MECOM: variants seen among roughly 807,000 people sequenced by gnomAD.
MECOM encodes the protein histone-lysine N-methyltransferase MECOM.
In MECOM, 13 loss-of-function variants were observed where a neutral mutation model predicts 116.3. That is an observed-to-expected ratio of 0.11 (90% CI 0.07 to 0.18). The LOEUF (loss-of-function observed/expected upper bound fraction) is 0.18, where lower values mean the gene tolerates loss of function less well. MECOM is among the 10% of genes least tolerant of loss of function. The probability of loss-of-function intolerance (pLI) is 1.00; values close to 1 mark genes in which losing one functional copy is unlikely to be tolerated. For synonymous variants in MECOM, 528 were observed against 535.2 expected, an observed-to-expected ratio of 0.99 and a Z score of 0.19; for missense variants, 1,299 against 1,509.0, an observed-to-expected ratio of 0.86 and a Z score of 2.31.
At chr3:169,622,631 G>C (rs1770892187) in intron 1 of MECOM, among the ~76,000 whole-genome samples, 1 of 152,210 alleles carries the variant, frequency 6.6e-6, no homozygotes, top group Non-Finnish European at 1.5e-5. Context: ...CTATTCCTGA[G>C]ACACTTTTGT....
At chr3:169,398,889 C>A (rs1487064571) in intron 1 of MECOM, among the ~76,000 whole-genome samples, 2 of 152,096 alleles carry the variant, frequency 1.3e-5, no homozygotes, top group African/African-American at 4.8e-5. Context: ...GAAGGCCTTG[C>A]TAAAGAGGCA....
chr3:169,438,218 G>A (rs1247096786), intron 1 of MECOM, among the ~76,000 whole-genome samples: 1 of 151,892 alleles, frequency 6.6e-6, no homozygotes, highest in Non-Finnish European at 1.5e-5. Context: ...AGTAATAGCT[G>A]CCCAATTACA....
intron 2 of MECOM, among the ~76,000 whole-genome samples, chr3:169,361,556 C>T (rs1223095070): frequency 6.6e-6 from 1 of 151,828 alleles, no homozygotes; most frequent in African/African-American, 2.4e-5. Context: ...CTTCACAATA[C>T]TTTACAATGA....
At chr3:169,410,619 T>C (rs1238904057) in intron 1 of MECOM, among the ~76,000 whole-genome samples, 2 of 152,182 alleles carry the variant, frequency 1.3e-5, no homozygotes, top group Non-Finnish European at 2.9e-5. Context: ...GGAAACATCA[T>C]TTGACATTTC....
chr3:169,091,590 A>C (rs1419604913), intron 14 of MECOM, among the ~76,000 whole-genome samples: 1 of 151,996 alleles, frequency 6.6e-6, no homozygotes, highest in Non-Finnish European at 1.5e-5. Context: ...TGTCCTTCTG[A>C]TCATCTGCTT....
intron 1 of MECOM, among the ~76,000 whole-genome samples, chr3:169,651,940 A>C (rs531720465): frequency 6.6e-6 from 1 of 152,282 alleles, no homozygotes; most frequent in Non-Finnish European, 1.5e-5. Context: ...AAAGAAAATA[A>C]CTTTCATTTT....
intron 12 of MECOM, among the ~76,000 whole-genome samples, chr3:169,100,390 T>C (rs1261939506): frequency 1.3e-5 from 2 of 152,070 alleles, no homozygotes; most frequent in Non-Finnish European, 2.9e-5. Context: ...TCAGCCACCA[T>C]GCCCAGCCTA....
chr3:169,145,580 C>T lies in MECOM; in HGVS notation c.376-1748G>A, dbSNP rs575282010. 4 of 224,054 alleles carry T rather than the reference C, an allele frequency of 1.8e-5. No homozygotes were observed. In the East Asian group the frequency reaches 2.6e-4, roughly 15 times the overall value. The allele number at this position is 224,054 out of a possible 1,614,324, so 13.9% of individuals were successfully genotyped here. A position where few individuals can be genotyped will look rare whatever the true frequency, so the allele number is the denominator to read the frequency against. ...AGAAAAGGCAGTTCTCCTGACACAC[C>T]AAAGAAATATTTAATAAAGGACATA... On this transcript the variant is annotated intron_variant, in intron 2 of 16. Transcript: ENST00000651503.
intron 2 of MECOM, among the ~76,000 whole-genome samples, chr3:169,361,852 G>A (rs571885494): frequency 7.2e-5 from 11 of 151,774 alleles, no homozygotes; most frequent in Non-Finnish European, 8.8e-5. Context: ...GTCATACCCC[G>A]AGAAAGAATG....
intron 1 of MECOM, among the ~76,000 whole-genome samples, chr3:169,651,372 T>C (rs1009753656): frequency 5.3e-5 from 8 of 152,346 alleles, no homozygotes; most frequent in Non-Finnish European, 8.8e-5. Context: ...CACTTGATCA[T>C]GGTGGATTAT....
At chr3:169,215,258 A>T (rs200060123) in intron 2 of MECOM, among the ~76,000 whole-genome samples, 2,298 of 39,976 alleles carry the variant, frequency 0.057, 52 homozygotes, top group African/African-American at 0.15. Context: ...TTTTTTTTTT[A>T]AAAAAGCAGA....
chr3:169,228,448 C>T (rs1417382740), intron 2 of MECOM, among the ~76,000 whole-genome samples: 1 of 152,084 alleles, frequency 6.6e-6, no homozygotes, highest in Non-Finnish European at 1.5e-5. Flanking sequence ...TTATAAACTA[C>T]AGTTTATGCA....
intron 12 of MECOM, among the ~76,000 whole-genome samples, chr3:169,096,978 TTA>T (rs1306264497): frequency 3.0e-5 from 4 of 133,328 alleles, no homozygotes; most frequent in South Asian, 2.3e-4. Context: ...TTTTTTTTTT[TTA>T]AATGCGTATA....
In MECOM at chr3:169,472,514, AAAGG is replaced by A. The variant is rs1560317717; in HGVS notation, c.38-90994_38-90991del. Among the ~76,000 whole-genome samples, 749 of 91,752 alleles carry A rather than the reference AAAGG, an allele frequency of 8.2e-3. 48 individuals are homozygous for A. Among genetic ancestry groups the A allele is most frequent in the African/African-American group, 0.029 (551 of 18,928 alleles). 60.2% of individuals were successfully genotyped at this position (91,752 alleles called of 152,430 possible). ...AAAGGAAAGGAAAGGAAAGGAAAGG[AAAGG>A]AAAGAAAAGAAAAGAAAAGGAAAGG... On this transcript the variant is annotated intron_variant, in intron 1 of 16. Coordinates refer to ENST00000651503, the MANE Select transcript of MECOM (RefSeq NM_004991.4).
chr3:169,282,412 C>A (rs1455070521), intron 2 of MECOM, among the ~76,000 whole-genome samples: 1 of 152,142 alleles, frequency 6.6e-6, no homozygotes, highest in Non-Finnish European at 1.5e-5. Context: ...TACAATTAGA[C>A]CCCAAATCTA....
intron 1 of MECOM, among the ~76,000 whole-genome samples, chr3:169,414,291 G>A (rs780879650): frequency 2.0e-5 from 3 of 152,094 alleles, no homozygotes; most frequent in Admixed American, 6.5e-5. Context: ...ACCTGCAGAC[G>A]AGGAGCCTGA....
chr3:169,414,268 C>A (rs1175766830), intron 1 of MECOM, among the ~76,000 whole-genome samples: 1 of 152,208 alleles, frequency 6.6e-6, no homozygotes, highest in African/African-American at 2.4e-5. Context: ...GAACCCCCAG[C>A]AAACTCCAGC....
chr3:169,290,079 GC>G (rs1353357736), intron 2 of MECOM, among the ~76,000 whole-genome samples: 1 of 152,070 alleles, frequency 6.6e-6, no homozygotes, highest in Non-Finnish European at 1.5e-5. Context: ...AAGTATATCA[GC>G]CCCGATACTA....
rs555285434 is a variant in MECOM at position 169,162,387 on chromosome 3, T to C, written c.376-18555A>G. Among the ~76,000 whole-genome samples the C allele has an allele frequency of 4.6e-5, 7 of 152,248 alleles. No individual in the cohort carries two copies. The South Asian group carries it at 1.5e-3, about 32-fold the overall frequency. Reference sequence around the variant, plus strand: ...CTAAGCTACTTGAAAGAACGGCAAATAGTACAAGACTGTACGTCATTAAGT... The same window carrying C: ...CTAAGCTACTTGAAAGAACGGCAAACAGTACAAGACTGTACGTCATTAAGT... On this transcript the variant is annotated intron_variant, in intron 2 of 16. Transcript: ENST00000651503.
Sources: gnomAD v4.1 joint callset for allele counts (sites outside exome capture counted in the v4.1 genomes callset) on GRCh38, gnomAD v4.1.1 for gene constraint, MANE v1.5 for transcripts, NCBI Gene and HGNC (gene_info 2026-07-23, HGNC 2026-07-21) for gene names.